MBD5: variants seen among roughly 807,000 people sequenced by gnomAD.
The protein encoded by MBD5 is methyl-CpG binding domain protein 5, also known as methyl-CpG-binding domain protein 5.
A neutral mutation model predicts 117.3 loss-of-function variants in MBD5; 13 were observed. The ratio of observed to expected loss-of-function variants is 0.11; its 90% confidence interval spans 0.07 to 0.18. MBD5 has a LOEUF of 0.18. Among genes scored for constraint, MBD5 ranks in the 10% least tolerant of loss-of-function variants. The pLI is 1.00. For missense variants in MBD5, 1,879 were observed against 2,093.8 expected (o/e 0.90, Z 2.00); for synonymous variants, 727 against 766.4 (o/e 0.95, Z 0.85).
At chr2:148,372,514 T>C (rs557310833) in intron 4 of MBD5, among the ~76,000 whole-genome samples, 1 of 152,134 alleles carries the variant, frequency 6.6e-6, no homozygotes, top group Non-Finnish European at 1.5e-5. Context: ...GGCCTACTAA[T>C]GATAGATCAT....
At chr2:148,265,914 A>C (rs563563799) in intron 3 of MBD5, among the ~76,000 whole-genome samples, 2 of 142,556 alleles carry the variant, frequency 1.4e-5, no homozygotes, top group South Asian at 4.6e-4. Context: ...GGGGACAAAG[A>C]ACAAGTTCAG....
chr2:148,144,066 G>A (rs998560190), intron 1 of MBD5, among the ~76,000 whole-genome samples: 2 of 152,104 alleles, frequency 1.3e-5, no homozygotes, highest in African/African-American at 4.8e-5. Flanking sequence ...TACACCAACA[G>A]TGTAAAAGTG....
At chr2:148,070,325 G>GTGA (rs2105073058) in intron 1 of MBD5, among the ~76,000 whole-genome samples, 1 of 152,308 alleles carries the variant, frequency 6.6e-6, no homozygotes, top group South Asian at 2.1e-4. Flanking sequence ...TTGGTGCTAT[G>GTGA]TGATAGTAGA....
intron 4 of MBD5, among the ~76,000 whole-genome samples, chr2:148,362,514 T>TC (rs1703571617): frequency 6.6e-6 from 1 of 152,000 alleles, no homozygotes; most frequent in Non-Finnish European, 1.5e-5. Context: ...AACTCCCATC[T>TC]CCCTGGGACA....
At chr2:148,243,141 AAC>A (rs758089225) in intron 3 of MBD5, among the ~76,000 whole-genome samples, 17,156 of 151,390 alleles carry the variant, frequency 0.11, 1,291 homozygotes, top group Non-Finnish European at 0.18. Context: ...AAAAAAAAAA[AAC>A]TGCTCAGTAA....
chr2:148,413,142 T>A (rs1705314305), intron 4 of MBD5, among the ~76,000 whole-genome samples: 1 of 152,134 alleles, frequency 6.6e-6, no homozygotes, highest in Non-Finnish European at 1.5e-5. Context: ...GTCCCTTCAA[T>A]GCCTAGTTCA....
At chr2:148,164,859 T>G (rs1378386186) in intron 1 of MBD5, among the ~76,000 whole-genome samples, 1 of 152,208 alleles carries the variant, frequency 6.6e-6, no homozygotes, top group African/African-American at 2.4e-5. Context: ...CAACATGTAG[T>G]GAGGGCCTTC....
chr2:148,126,405 CAAAAA>C (rs11308422), intron 1 of MBD5, among the ~76,000 whole-genome samples: 3 of 92,538 alleles, frequency 3.2e-5, no homozygotes, highest in Admixed American at 1.1e-4. Context: ...GACTCCATCT[CAAAAA>C]AAAAAAAAAA....
At chr2:148,256,797 C>T (rs1159217484) in intron 3 of MBD5, among the ~76,000 whole-genome samples, 3 of 152,216 alleles carry the variant, frequency 2.0e-5, no homozygotes. Flanking sequence ...TGCCTCAGGC[C>T]CCATGGCCTT....
intron 3 of MBD5, among the ~76,000 whole-genome samples, chr2:148,285,454 A>G (rs190268444): frequency 6.6e-6 from 1 of 152,208 alleles, no homozygotes; most frequent in Non-Finnish European, 1.5e-5. Context: ...TAGAATTGAC[A>G]TGAGAAAATT....
At chr2:148,208,436 T>C (rs1558973102) in intron 2 of MBD5, among the ~76,000 whole-genome samples, 2 of 152,048 alleles carry the variant, frequency 1.3e-5, no homozygotes, top group Non-Finnish European at 2.9e-5. Context: ...TTTTAATTTT[T>C]AGTAGAGATG....
At chr2:148,471,828 TA>T (rs1276258108) in intron 8 of MBD5, 8 of 152,210 alleles carry the variant, frequency 5.3e-5, no homozygotes, top group East Asian at 1.9e-4. Flanking sequence ...ACTTATCCCA[TA>T]GGGGGCTTCC....
intron 4 of MBD5, among the ~76,000 whole-genome samples, chr2:148,384,540 G>C (rs1032869400): frequency 3.9e-5 from 6 of 152,140 alleles, no homozygotes; most frequent in African/African-American, 1.4e-4. Context: ...TACTGCCTAA[G>C]GTAACTTATA....
At chr2:148,039,379 T>C (rs554506253) in intron 1 of MBD5, among the ~76,000 whole-genome samples, 84 of 152,248 alleles carry the variant, frequency 5.5e-4, no homozygotes, top group African/African-American at 1.9e-3. Context: ...AAAAACCGAA[T>C]ATGCAAAGTT....
rs146865106 is a variant in MBD5, at chr2:148,187,889, T to C, written c.-831+9096T>C. Among the ~76,000 whole-genome samples, 7 of 152,316 alleles carry C rather than the reference T, an allele frequency of 4.6e-5. No homozygotes were observed. The East Asian group carries it at 1.3e-3, about 29-fold the overall frequency. On this transcript the variant is annotated intron_variant, in intron 2 of 13. Transcript: ENST00000642680. ...ATAGATTGGTAAACATAAAAGACTG[T>C]TGTTTATATATTTAAAAAGATAACT...
chr2:148,044,847 ATAGTTTTGGTAAT>A (rs1694471382), intron 1 of MBD5: 1 of 152,104 alleles, frequency 6.6e-6, no homozygotes, highest in South Asian at 2.1e-4. Flanking sequence ...TGTAAAGATA[ATAGTTTTGGTAAT>A]TACTCTACAA....
Position 148,510,132 on chromosome 2 carries a change from G to A in MBD5, c.5109G>A (p.Gly1703=), listed in dbSNP as rs144358466. The A allele has an allele frequency of 6.2e-7, 1 of 1,604,390 alleles. No individual in the cohort carries two copies. The highest frequency in any genetic ancestry group is 8.5e-7 in the Non-Finnish European group (1 of 1,171,428). ...TGAGTGAACTGGACAAAATGTCTGG[G>A]ACTGTAAGTTAATTTATTTTTCCAT... ...EAMSELDKMS[G]TVHQIPQGDR... is the part of the protein sequence containing the mutation. The change falls in exon 13 of 14, where the codon GGG becomes GGA. Residue 1703 remains glycine, a synonymous_variant. Coordinates refer to ENST00000642680, the MANE Select transcript of MBD5 (RefSeq NM_001378120.1).
intron 1 of MBD5, among the ~76,000 whole-genome samples, chr2:148,116,561 G>A (rs1453702240): frequency 6.6e-6 from 1 of 152,110 alleles, no homozygotes; most frequent in African/African-American, 2.4e-5. Flanking sequence ...CATGTACCAG[G>A]GTGGACGTGT....
chr2:148,461,606 A>G (rs1707085122), intron 5 of MBD5, among the ~76,000 whole-genome samples: 2 of 152,216 alleles, frequency 1.3e-5, no homozygotes, highest in African/African-American at 4.8e-5. Context: ...AGGTTTTGGT[A>G]AATAGTCATA....
Sources: gnomAD v4.1 joint callset for allele counts (sites outside exome capture counted in the v4.1 genomes callset) on GRCh38, gnomAD v4.1.1 for gene constraint, MANE v1.5 for transcripts, NCBI Gene and HGNC (gene_info 2026-07-23, HGNC 2026-07-21) for gene names.